DISP1: variants seen among roughly 807,000 people sequenced by gnomAD.
The protein encoded by DISP1 is protein dispatched homolog 1.
A neutral mutation model predicts 37.3 loss-of-function variants in DISP1; 30 were observed. The ratio of observed to expected loss-of-function variants is 0.80; its 90% confidence interval spans 0.60 to 1.09. The LOEUF is 1.09. Among genes scored for constraint, DISP1 ranks in the 50% least tolerant of loss-of-function variants. The probability of loss-of-function intolerance (pLI) is 0.00; values close to 1 mark genes in which losing one functional copy is unlikely to be tolerated. For missense variants in DISP1, 1,598 were observed against 1,879.5 expected (o/e 0.85, Z 2.77); for synonymous variants, 634 against 690.2 (o/e 0.92, Z 1.28).
intron 1 of DISP1, among the ~76,000 whole-genome samples, chr1:222,867,956 G>T (rs1050428258): frequency 6.6e-6 from 1 of 152,154 alleles, no homozygotes; most frequent in Non-Finnish European, 1.5e-5. Context: ...AGAGAAAGGG[G>T]AATTTTAGCA....
At chr1:222,978,178 C>T (rs1385448043) in intron 3 of DISP1, among the ~76,000 whole-genome samples, 8 of 152,190 alleles carry the variant, frequency 5.3e-5, no homozygotes. Flanking sequence ...TCCTCTCCAG[C>T]ACGTGTTGTT....
intron 1 of DISP1, among the ~76,000 whole-genome samples, chr1:222,921,316 A>G (rs1352338531): frequency 1.3e-5 from 2 of 152,204 alleles, no homozygotes; most frequent in Admixed American, 1.3e-4. Flanking sequence ...CTCAAAAAAC[A>G]AAAAAGAAAA....
chr1:222,940,082 C>T (rs1418120609), intron 2 of DISP1, among the ~76,000 whole-genome samples: 4 of 150,908 alleles, frequency 2.7e-5, no homozygotes, highest in African/African-American at 4.9e-5. Context: ...GCCGAGATCG[C>T]GCCACTGCAC....
At chr1:222,899,380 T>A (rs374136071) in intron 1 of DISP1, among the ~76,000 whole-genome samples, 1 of 152,336 alleles carries the variant, frequency 6.6e-6, no homozygotes, top group African/African-American at 2.4e-5. Flanking sequence ...TTATCATGGG[T>A]GATTTTCAAG....
At position 222,863,123 on chromosome 1, in the gene DISP1, G is replaced by A. The variant is rs577189515; in HGVS notation, c.-159+48045G>A. 4.6e-5 allele frequency among the ~76,000 whole-genome samples: 7 copies of A among 152,188 alleles called. No individual in the cohort carries two copies. In the South Asian group the frequency reaches 1.5e-3, roughly 32 times the overall value. On this transcript the variant is annotated intron_variant, in intron 1 of 8. Transcript: ENST00000675850. The stretch of plus-strand genomic sequence containing the variant: ...TGTTCTCAGTACATCATATCTTTAG[G>A]CACATGAGGTCACTTTACACAAATA...
intron 3 of DISP1, among the ~76,000 whole-genome samples, chr1:222,952,887 A>G (rs1051438747): frequency 3.9e-5 from 6 of 152,174 alleles, no homozygotes; most frequent in Admixed American, 3.9e-4. Context: ...CTGAAGGACT[A>G]AAAGTCCTAC....
intron 1 of DISP1, among the ~76,000 whole-genome samples, chr1:222,890,869 G>A (rs935835131): frequency 6.6e-6 from 1 of 151,962 alleles, no homozygotes; most frequent in Admixed American, 6.6e-5. Context: ...CATTCACATT[G>A]TGTTCTCCCC....
chr1:222,857,238 G>T (rs1668606139), intron 1 of DISP1, among the ~76,000 whole-genome samples: 1 of 151,948 alleles, frequency 6.6e-6, no homozygotes, highest in African/African-American at 2.4e-5. Flanking sequence ...CTGCATTGCA[G>T]CCTGGGCAAC....
chr1:222,950,363 A>G (rs1245854427), intron 3 of DISP1, among the ~76,000 whole-genome samples: 2 of 152,114 alleles, frequency 1.3e-5, no homozygotes, highest in Admixed American at 1.3e-4. Flanking sequence ...TACTTTGGGA[A>G]GCCGAGGCAG....
chr1:222,947,198 A>G (rs1352073688), intron 3 of DISP1, among the ~76,000 whole-genome samples: 4 of 152,080 alleles, frequency 2.6e-5, no homozygotes, highest in Non-Finnish European at 5.9e-5. Context: ...GGAAACCACT[A>G]TTCTACTTTT....
chr1:222,980,542 G>A (rs1677757690), intron 3 of DISP1, among the ~76,000 whole-genome samples: 1 of 152,014 alleles, frequency 6.6e-6, no homozygotes, highest in African/African-American at 2.4e-5. Context: ...TGTTGAGTAT[G>A]AGAAAAGTAA....
chr1:222,967,281 A>G (rs1676573045), intron 3 of DISP1, among the ~76,000 whole-genome samples: 1 of 152,122 alleles, frequency 6.6e-6, no homozygotes, highest in Admixed American at 6.5e-5. Flanking sequence ...GTCTTCCCTT[A>G]TTTGCTTTCC....
At chr1:222,958,637 A>G (rs1675800489) in intron 3 of DISP1, among the ~76,000 whole-genome samples, 1 of 152,198 alleles carries the variant, frequency 6.6e-6, no homozygotes, top group South Asian at 2.1e-4. Flanking sequence ...TTTAGAAAAT[A>G]TATATTTTAG....
At chr1:222,884,174 AT>A (rs111308189) in intron 1 of DISP1, among the ~76,000 whole-genome samples, 40 of 148,176 alleles carry the variant, frequency 2.7e-4, no homozygotes, top group South Asian at 6.4e-4. Flanking sequence ...TGGCCCAGGG[AT>A]TTTTTTTTTT....
chr1:222,936,592 GATATATATCTCTCATATATATGAGA>G, intron 2 of DISP1, among the ~76,000 whole-genome samples: 3 of 49,932 alleles, frequency 6.0e-5, no homozygotes, highest in South Asian at 2.2e-3. Context: ...ATATATGAGA[GATATATATCTCTCATATATATGAGA>G]TATATATATC....
intron 1 of DISP1, among the ~76,000 whole-genome samples, chr1:222,871,812 T>C (rs1387960050): frequency 6.6e-6 from 1 of 152,218 alleles, no homozygotes; most frequent in Non-Finnish European, 1.5e-5. Context: ...TGGCCAGAAC[T>C]TCCAACACTA....
At chr1:222,930,239 G>C (rs1048578560) in intron 2 of DISP1, among the ~76,000 whole-genome samples, 21 of 152,106 alleles carry the variant, frequency 1.4e-4, no homozygotes, top group African/African-American at 4.6e-4. Flanking sequence ...CATTCTTGCT[G>C]TATGATTCTT....
intron 1 of DISP1, among the ~76,000 whole-genome samples, chr1:222,905,243 G>C (rs1477511687): frequency 6.6e-6 from 1 of 152,100 alleles, no homozygotes; most frequent in African/African-American, 2.4e-5. Flanking sequence ...AATCAGACTA[G>C]TCTCAGATGC....
At position 223,005,947 on chromosome 1, in the gene DISP1, A is replaced by G. The variant is rs753382335; in HGVS notation, c.4550A>G (p.Glu1517Gly). 6.2e-7 allele frequency: 1 copy of G among 1,613,920 alleles called. No homozygotes were observed. The highest frequency in any genetic ancestry group is 1.1e-5 in the South Asian group (1 of 91,076). The change falls in exon 9 of 9, where the codon GAA (glutamate) becomes GGA (glycine). Residue 1517 changes from glutamate to glycine, a missense_variant. Glu to Gly is a moderately conservative substitution (Grantham distance 98). Transcript: ENST00000675850. ...AVLTHSELSG[E>G]SLLIKTL Reference sequence around the variant, plus strand: ...TTAACACACTCGGAACTTTCTGGTGAAAGTTTGTTAATAAAAACACTATAA... The same window carrying G: ...TTAACACACTCGGAACTTTCTGGTGGAAGTTTGTTAATAAAAACACTATAA...
Sources: gnomAD v4.1 joint callset for allele counts (sites outside exome capture counted in the v4.1 genomes callset) on GRCh38, gnomAD v4.1.1 for gene constraint, MANE v1.5 for transcripts, NCBI Gene and HGNC (gene_info 2026-07-23, HGNC 2026-07-21) for gene names.